Variants in ADCY2 observed in about 807,000 individuals in gnomAD.
The protein encoded by ADCY2 is adenylate cyclase 2, also known as adenylate cyclase type 2.
Under a neutral mutation model 125.2 loss-of-function variants are expected in ADCY2, and 31 were observed. The observed-to-expected ratio is 0.25, with a 90% CI of 0.19 to 0.33. The LOEUF is 0.33. ADCY2 is among the 10% of genes least tolerant of loss of function. The pLI is 1.00. For synonymous variants in ADCY2, 512 were observed against 548.4 expected (o/e 0.93, Z 0.93); for missense variants, 904 against 1,418.2 (o/e 0.64, Z 5.82).
Position 7,574,230 on chromosome 5 carries a change from T to C in ADCY2, c.571-51937T>C, listed in dbSNP as rs527273890. ...ATGCCGCAGTAAACATACGTGTGCATGTGTCTTTATAGCAGCATGATTTAT... is the reference window on the plus strand; with the variant it reads ...ATGCCGCAGTAAACATACGTGTGCACGTGTCTTTATAGCAGCATGATTTAT... On this transcript the variant is annotated intron_variant, in intron 3 of 24. Transcript: ENST00000338316. 7.0e-3 allele frequency among the ~76,000 whole-genome samples: 1,009 copies of C among 143,216 alleles called. 15 individuals carry two copies. Among genetic ancestry groups the C allele is most frequent in the African/African-American group, 0.024 (970 of 39,630 alleles). 94.0% of individuals were successfully genotyped at this position (143,216 alleles called of 152,430 possible).
rs183632182 is a variant in ADCY2, at chr5:7,666,497, G to T, written c.721-24194G>T. On this transcript the variant is annotated intron_variant, in intron 4 of 24. Coordinates refer to ENST00000338316, the MANE Select transcript of ADCY2 (RefSeq NM_020546.3). ...GTTAGTCAGGATGGTCTCGATCTCC[G>T]GACCTCATGATCCGACCGCCTCGGC... Among the ~76,000 whole-genome samples, 552 of 148,774 alleles carry T rather than the reference G, an allele frequency of 3.7e-3. 2 individuals carry two copies. The highest frequency in any genetic ancestry group is 0.01 in the African/African-American group (418 of 40,430).
chr5:7,647,399 T>C (rs996552172), intron 4 of ADCY2, among the ~76,000 whole-genome samples: 4 of 152,024 alleles, frequency 2.6e-5, no homozygotes, highest in African/African-American at 9.7e-5. Context: ...CTGAGACAAA[T>C]TGCAGGTATC....
chr5:7,596,876 A>G (rs1225407574), intron 3 of ADCY2, among the ~76,000 whole-genome samples: 2 of 152,204 alleles, frequency 1.3e-5, no homozygotes, highest in Admixed American at 1.3e-4. Context: ...GTTGTTTTAA[A>G]AAATTTAGTC....
chr5:7,802,500 G>A lies in ADCY2; in HGVS notation c.2775+136G>A, dbSNP rs564897243. ...ATAATTTCTGGCAGATGGCATTAAAGCCTTTTGCTTTATTTAGGTCTCTGA... is the reference window on the plus strand; with the variant it reads ...ATAATTTCTGGCAGATGGCATTAAAACCTTTTGCTTTATTTAGGTCTCTGA... On this transcript the variant is annotated intron_variant, in intron 21 of 24. Coordinates refer to ENST00000338316, the MANE Select transcript of ADCY2 (RefSeq NM_020546.3). This position sits in a 1 kb window ranked among gnomAD's most constrained non-coding sequence, Gnocchi z 4.6. 22 of 976,452 alleles carry A rather than the reference G, an allele frequency of 2.3e-5. No homozygotes were observed. In the Admixed American group the frequency reaches 5.4e-4, roughly 24 times the overall value. The allele number at this position is 976,452 out of a possible 1,614,324, so 60.5% of individuals were successfully genotyped here.
chr5:7,455,441 AT>A (rs1741633579), intron 2 of ADCY2, among the ~76,000 whole-genome samples: 1 of 152,116 alleles, frequency 6.6e-6, no homozygotes, highest in African/African-American at 2.4e-5. Context: ...TAAATGTGAT[AT>A]CACACATTAT....
chr5:7,812,288 G>T (rs927000335), intron 22 of ADCY2, among the ~76,000 whole-genome samples: 2 of 152,154 alleles, frequency 1.3e-5, no homozygotes, highest in African/African-American at 4.8e-5. Context: ...GAAGAAGAGA[G>T]AAATTTCCTT....
intron 15 of ADCY2, among the ~76,000 whole-genome samples, chr5:7,752,884 T>C (rs1742869988): frequency 7.1e-6 from 1 of 140,770 alleles, no homozygotes; most frequent in Non-Finnish European, 1.5e-5. Flanking sequence ...AATTCTATGA[T>C]AGGATTTTCC....
intron 12 of ADCY2, among the ~76,000 whole-genome samples, chr5:7,718,105 CA>C (rs1741651669): frequency 6.7e-6 from 1 of 149,660 alleles, no homozygotes; most frequent in Non-Finnish European, 1.5e-5. Flanking sequence ...TACAGGGCCT[CA>C]AATAGTGCAT....
In ADCY2 at chr5:7,569,604, C is replaced by G. The variant is rs375764625; in HGVS notation, c.570+48705C>G. Among the ~76,000 whole-genome samples, 20 of 152,104 alleles carry G rather than the reference C, an allele frequency of 1.3e-4. No homozygotes were observed. The East Asian group carries it at 2.3e-3, about 18-fold the overall frequency. On this transcript the variant is annotated intron_variant, in intron 3 of 24. Transcript: ENST00000338316. ...AGATAGTTAGCTCCCTAATTTCCCT[C>G]CAACCCTAGGTCACCAAGCCAGTTG...
chr5:7,398,821 G>A (rs1392681596), intron 1 of ADCY2, among the ~76,000 whole-genome samples: 1 of 152,192 alleles, frequency 6.6e-6, no homozygotes, highest in Non-Finnish European at 1.5e-5. Context: ...AGTCGGGACT[G>A]GGATGATGTT....
chr5:7,656,054 CT>C (rs1272806102), intron 4 of ADCY2, among the ~76,000 whole-genome samples: 414 of 132,334 alleles, frequency 3.1e-3, no homozygotes, highest in African/African-American at 6.8e-3. Flanking sequence ...TTTTCATTTT[CT>C]TTTTTTTTTT....
Position 7,418,647 on chromosome 5 carries a change from G to GTTTTTTTTTTTTTTTTTTTTTT in ADCY2, c.408+3882_408+3903dup, listed in dbSNP as rs869287430. On this transcript the variant is annotated intron_variant, in intron 2 of 24. Transcript: ENST00000338316. ...AATTAAAAACAAAAGTCTACCTTCT[G>GTTTTTTTTTTTTTTTTTTTTTT]TTTTTTTTTTTTTTTTTTTTTTTTT... 2.4e-4 allele frequency among the ~76,000 whole-genome samples: 18 copies of GTTTTTTTTTTTTTTTTTTTTTT among 73,766 alleles called. 3 individuals carry two copies. Among genetic ancestry groups the GTTTTTTTTTTTTTTTTTTTTTT allele is most frequent in the African/African-American group, 5.6e-4 (9 of 16,070 alleles). The allele number at this position is 73,766 out of a possible 152,430, so 48.4% of individuals were successfully genotyped here.
intron 1 of ADCY2, among the ~76,000 whole-genome samples, chr5:7,411,839 G>C (rs1739728722): frequency 6.6e-6 from 1 of 152,090 alleles, no homozygotes; most frequent in South Asian, 2.1e-4. Flanking sequence ...ACTTTGGGAG[G>C]CCGAGGCGGG....
intron 3 of ADCY2, among the ~76,000 whole-genome samples, chr5:7,574,096 T>G (rs1318019584): frequency 3.4e-5 from 4 of 117,822 alleles, no homozygotes; most frequent in Admixed American, 2.6e-4. Flanking sequence ...GAACTCATCA[T>G]TTTTTATGGC....
chr5:7,560,921 C>G (rs113483180), intron 3 of ADCY2, among the ~76,000 whole-genome samples: 5 of 152,294 alleles, frequency 3.3e-5, no homozygotes, highest in African/African-American at 1.2e-4. Context: ...CTCCTGACCT[C>G]AAGTGATCCA....
chr5:7,692,630 C>T (rs1478453040), intron 5 of ADCY2, among the ~76,000 whole-genome samples: 4 of 152,100 alleles, frequency 2.6e-5, no homozygotes, highest in Admixed American at 2.0e-4. Flanking sequence ...TCAGCAATGC[C>T]CCTCCCATCT....
intron 2 of ADCY2, among the ~76,000 whole-genome samples, chr5:7,453,732 C>A (rs1039621431): frequency 7.9e-5 from 12 of 152,134 alleles, no homozygotes; most frequent in African/African-American, 2.9e-4. Flanking sequence ...TGTCCCTTCT[C>A]CCCTGATTCT....
At chr5:7,560,182 T>G (rs1561094613) in intron 3 of ADCY2, among the ~76,000 whole-genome samples, 2 of 152,270 alleles carry the variant, frequency 1.3e-5, no homozygotes, top group East Asian at 3.9e-4. Flanking sequence ...TTTGTAAAAT[T>G]AAGACATAGA....
intron 15 of ADCY2, among the ~76,000 whole-genome samples, chr5:7,756,783 T>C (rs923735012): frequency 6.6e-6 from 1 of 152,212 alleles, no homozygotes; most frequent in African/African-American, 2.4e-5. Flanking sequence ...TTGTCACTAC[T>C]GAACTGTACA....
Sources: allele counts gnomAD v4.1 joint callset (sites outside exome capture counted in the v4.1 genomes callset), GRCh38; gene constraint gnomAD v4.1.1; non-coding constraint Gnocchi (gnomAD v3.1); transcripts MANE v1.5; gene names NCBI Gene and HGNC (gene_info 2026-07-23, HGNC 2026-07-21).